Variants in PAPOLA observed in about 807,000 individuals in gnomAD.
The protein encoded by PAPOLA is polynucleotide adenylyltransferase alpha.
In PAPOLA, 15 loss-of-function variants were observed where a neutral mutation model predicts 100.6. That is an observed-to-expected ratio of 0.15 (90% confidence interval 0.10 to 0.23). The LOEUF is 0.23. Ranked by LOEUF, PAPOLA falls within the 10% of genes least tolerant of loss-of-function variation. PAPOLA has a pLI of 1.00. For missense variants in PAPOLA, 533 were observed against 884.2 expected (o/e 0.60, Z 5.04); for synonymous variants, 293 against 300.0 (o/e 0.98, Z 0.24).
At chr14:96,560,548 T>A in intron 19 of PAPOLA, 101 bp from the exon 20 acceptor site, 1 of 746,548 alleles carries the variant, frequency 1.3e-6, no homozygotes, top group South Asian at 1.6e-5. Flanking sequence ...TCTTACAGGT[T>A]TAATTATTTT....
At chr14:96,514,441 A>G (rs1174271486) in intron 1 of PAPOLA, among the ~76,000 whole-genome samples, 1 of 151,914 alleles carries the variant, frequency 6.6e-6, no homozygotes, top group African/African-American at 2.4e-5. Flanking sequence ...TTGGCCTCCC[A>G]AAGTGCTGGG....
intron 19 of PAPOLA, among the ~76,000 whole-genome samples, chr14:96,559,575 C>CTA (rs1196304057): frequency 2.1e-3 from 236 of 113,618 alleles, no homozygotes; most frequent in African/African-American, 4.6e-3. Flanking sequence ...CTCTCTCTCT[C>CTA]TCTCTCTATA....
At chr14:96,558,889 T>A (rs1020209772) in intron 19 of PAPOLA, among the ~76,000 whole-genome samples, 1 of 152,100 alleles carries the variant, frequency 6.6e-6, no homozygotes, top group Non-Finnish European at 1.5e-5. Flanking sequence ...ATTGATTTTT[T>A]AAAAAATAGG....
chr14:96,527,937 T>C lies in PAPOLA; in HGVS notation c.442-16T>C, dbSNP rs1222091612. 8.8e-6 allele frequency: 14 copies of C among 1,593,340 alleles called. No individual in the cohort carries two copies. The Admixed American group carries it at 2.0e-4, about 23-fold the overall frequency. The stretch of plus-strand genomic sequence containing the variant: ...TGTAGTTTCAGAGACCCTGAACTTG[T>C]TTACTTTCCTTATAGGCTGTTGAAG... On this transcript the variant is annotated splice_polypyrimidine_tract_variant and intron_variant, in intron 5 of 21. Transcript: ENST00000216277.
At chr14:96,549,997 T>C (rs954294108) in intron 16 of PAPOLA, among the ~76,000 whole-genome samples, 1 of 151,834 alleles carries the variant, frequency 6.6e-6, no homozygotes, top group Non-Finnish European at 1.5e-5. Flanking sequence ...TAAAAAAAAA[T>C]TTTTTTGAGA....
chr14:96,542,984 A>G, intron 14 of PAPOLA, 91 bp downstream of exon 14: 2 of 1,337,286 alleles, frequency 1.5e-6, no homozygotes, highest in Non-Finnish European at 1.1e-6. Flanking sequence ...TAGTATAACT[A>G]TTCTGTTGAC....
At chr14:96,561,744 C>A (rs1901858670) in intron 20 of PAPOLA, among the ~76,000 whole-genome samples, 2 of 151,812 alleles carry the variant, frequency 1.3e-5, no homozygotes, top group Non-Finnish European at 2.9e-5. Context: ...ACCAAGTTGT[C>A]CTCCAGGAAG....
At position 96,552,471 on chromosome 14, in the gene PAPOLA, T is replaced by C. The variant is rs747781343; in HGVS notation, c.1522-9T>C. ...AGATATATTTGATAAAATGTTTTAT[T>C]GTTTGCAGCATTCAACAGAAGGTGT... On this transcript the variant is annotated splice_polypyrimidine_tract_variant and intron_variant, in intron 16 of 21. Coordinates refer to ENST00000216277, the MANE Select transcript of PAPOLA (RefSeq NM_032632.5). 2 of 1,609,312 alleles carry C rather than the reference T, an allele frequency of 1.2e-6. No individual in the cohort carries two copies. The highest frequency in any genetic ancestry group is 2.2e-5 in the East Asian group (1 of 44,842).
intron 3 of PAPOLA, 54 bp downstream of exon 3, chr14:96,521,126 A>T: frequency 2.4e-6 from 2 of 830,816 alleles, no homozygotes; most frequent in Admixed American, 3.7e-5. Flanking sequence ...AACTGAACAC[A>T]GCAAGTGTCT....
In PAPOLA at chr14:96,527,789, TG is replaced by T. The variant is rs1595522133; in HGVS notation, c.442-161del. 4 of 658,272 alleles carry T rather than the reference TG, an allele frequency of 6.1e-6. No individual in the cohort carries two copies. In the East Asian group the frequency reaches 1.0e-4, roughly 17 times the overall value. 40.8% of individuals were successfully genotyped at this position (658,272 alleles called of 1,614,324 possible). ...TGGCCACAATCATACATCTGATGAG[TG>T]GGTGAAGTAAAATATTTGAACCTTG... On this transcript the variant is annotated intron_variant, in intron 5 of 21. Coordinates refer to ENST00000216277, the MANE Select transcript of PAPOLA (RefSeq NM_032632.5).
chr14:96,513,379 G>A (rs927708107), intron 1 of PAPOLA, among the ~76,000 whole-genome samples: 1 of 152,122 alleles, frequency 6.6e-6, no homozygotes, highest in African/African-American at 2.4e-5. Context: ...TGGGGATTTA[G>A]CTTTTTATGT....
chr14:96,502,627 T>C (rs1271891487), intron 1 of PAPOLA, 27 bp downstream of exon 1: 15 of 1,567,410 alleles, frequency 9.6e-6, no homozygotes, highest in South Asian at 9.2e-5. Flanking sequence ...CTGTTTTCTT[T>C]CGCTCGCCGG....
rs78554072 is a variant in PAPOLA, at chr14:96,513,827, T to G, written c.9-6228T>G. ...TGTATTTTCTCCTTTTATCATTTGC[T>G]TTAACTTTCCTTATGTGCTATATTG... On this transcript the variant is annotated intron_variant, in intron 1 of 21. Coordinates refer to ENST00000216277, the MANE Select transcript of PAPOLA (RefSeq NM_032632.5). 3.5e-4 allele frequency among the ~76,000 whole-genome samples: 53 copies of G among 152,364 alleles called. 1 individual carries two copies. In the East Asian group the frequency reaches 0.01, roughly 29 times the overall value.
Position 96,565,575 on chromosome 14 carries a change from A to G in PAPOLA, c.*525A>G. On this transcript the variant is annotated 3_prime_UTR_variant, in exon 22 of 22. Transcript: ENST00000216277. ...TATACTTCAGAGAAAGGGTAAGAGT[A>G]CATCTAGTTCAGTTCCTATGAGGTA... The G allele has an allele frequency of 2.5e-6, 1 of 396,468 alleles. No homozygotes were observed. The highest frequency in any genetic ancestry group is 3.6e-5 in the East Asian group (1 of 28,060). 24.6% of individuals were successfully genotyped at this position (396,468 alleles called of 1,614,324 possible).
At chr14:96,503,209 C>G (rs1236687764) in intron 1 of PAPOLA, among the ~76,000 whole-genome samples, 1 of 152,226 alleles carries the variant, frequency 6.6e-6, no homozygotes, top group African/African-American at 2.4e-5. Flanking sequence ...ACCTCCGCCT[C>G]CCTAGCATTC....
At chr14:96,524,713 G>A (rs779288706) in intron 3 of PAPOLA, among the ~76,000 whole-genome samples, 2 of 152,134 alleles carry the variant, frequency 1.3e-5, no homozygotes, top group Non-Finnish European at 2.9e-5. Flanking sequence ...TTGTAGAGAC[G>A]GGGTTTCACA....
chr14:96,554,653 A>G (rs1234083966), intron 17 of PAPOLA, among the ~76,000 whole-genome samples: 1 of 152,212 alleles, frequency 6.6e-6, no homozygotes, highest in Non-Finnish European at 1.5e-5. Flanking sequence ...ATAGAGACAG[A>G]GAGAGAAACC....
chr14:96,567,114 TCA>T (rs1193344675), exon 22 of PAPOLA: 1 of 152,552 alleles, frequency 6.6e-6, no homozygotes, highest in Admixed American at 6.6e-5. Flanking sequence ...CAGCACAATC[TCA>T]CAGTTGCCTG....
chr14:96,528,409 GGGGAGGATTTA>G (rs1898683901), intron 6 of PAPOLA, among the ~76,000 whole-genome samples: 3 of 152,308 alleles, frequency 2.0e-5, no homozygotes, highest in African/African-American at 7.2e-5. Flanking sequence ...TCTTCCGATA[GGGGAGGATTTA>G]TGGACTCAAA....
Sources: gnomAD v4.1 joint callset for allele counts (sites outside exome capture counted in the v4.1 genomes callset) on GRCh38, gnomAD v4.1.1 for gene constraint, MANE v1.5 for transcripts, NCBI Gene and HGNC (gene_info 2026-07-23, HGNC 2026-07-21) for gene names.